POU6F2: variants seen among roughly 807,000 people sequenced by gnomAD.
The protein encoded by POU6F2 is POU domain, class 6, transcription factor 2.
In POU6F2, 31 loss-of-function variants were observed where a neutral mutation model predicts 71.3. That is an observed-to-expected ratio of 0.43 (90% CI 0.33 to 0.59). POU6F2 has a LOEUF of 0.59. Ranked by LOEUF, POU6F2 falls within the 20% of genes least tolerant of loss-of-function variation. POU6F2 has a pLI of 0.04. For synonymous variants in POU6F2, 347 were observed against 355.7 expected (o/e 0.98, Z 0.27); for missense variants, 783 against 856.8 (o/e 0.91, Z 1.07).
chr7:39,282,742 A>G (rs981113304), intron 4 of POU6F2, among the ~76,000 whole-genome samples: 9 of 151,900 alleles, frequency 5.9e-5, no homozygotes, highest in Non-Finnish European at 1.2e-4. Context: ...TTCTTTTTGT[A>G]CAAAATTGCT....
chr7:39,096,368 T>A (rs1269686269), intron 2 of POU6F2, among the ~76,000 whole-genome samples: 1 of 152,160 alleles, frequency 6.6e-6, no homozygotes, highest in Admixed American at 6.6e-5. Flanking sequence ...TTTCTAACAA[T>A]GAGCCACCCC....
chr7:39,355,033 C>A (rs1786223964), intron 5 of POU6F2, among the ~76,000 whole-genome samples: 1 of 152,190 alleles, frequency 6.6e-6, no homozygotes, highest in Non-Finnish European at 1.5e-5. Flanking sequence ...GCTCTCCCTC[C>A]CACCAGGAAT....
At chr7:39,043,923 A>G (rs1790241797) in intron 1 of POU6F2, among the ~76,000 whole-genome samples, 1 of 151,920 alleles carries the variant, frequency 6.6e-6, no homozygotes, top group African/African-American at 2.4e-5. Flanking sequence ...GAAGGCTGCC[A>G]TACCCCAGGC....
At chr7:39,107,286 C>G (rs1791710970) in intron 2 of POU6F2, among the ~76,000 whole-genome samples, 1 of 151,890 alleles carries the variant, frequency 6.6e-6, no homozygotes, top group South Asian at 2.1e-4. Flanking sequence ...CTCAAATGAT[C>G]CTCCCACCTA....
At chr7:39,228,980 A>G (rs1319044498) in intron 4 of POU6F2, among the ~76,000 whole-genome samples, 1 of 152,064 alleles carries the variant, frequency 6.6e-6, no homozygotes, top group African/African-American at 2.4e-5. Flanking sequence ...TCCTGGCCCC[A>G]TTTTTTCCTC....
At chr7:39,103,497 T>G (rs1300133909) in intron 2 of POU6F2, among the ~76,000 whole-genome samples, 1 of 152,138 alleles carries the variant, frequency 6.6e-6, no homozygotes, top group African/African-American at 2.4e-5. Flanking sequence ...TTGAACTGAG[T>G]GATCCAAAGA....
intron 4 of POU6F2, among the ~76,000 whole-genome samples, chr7:39,278,051 C>A (rs548984622): frequency 2.3e-5 from 3 of 130,278 alleles, no homozygotes; most frequent in Non-Finnish European, 4.7e-5. Context: ...TCTAGCCTGG[C>A]GACAGAGTGA....
At chr7:39,252,715 G>A (rs1052406276) in intron 4 of POU6F2, among the ~76,000 whole-genome samples, 3 of 152,028 alleles carry the variant, frequency 2.0e-5, no homozygotes, top group African/African-American at 7.2e-5. Flanking sequence ...TCCTTCCCTT[G>A]GAATGCTTTT....
At chr7:39,453,395 T>C (rs1337719303) in intron 8 of POU6F2, among the ~76,000 whole-genome samples, 1 of 152,194 alleles carries the variant, frequency 6.6e-6, no homozygotes, top group Non-Finnish European at 1.5e-5. Context: ...CATTTCTAAA[T>C]GGCAGCAAGG....
chr7:39,127,866 G>A (rs1028924648), intron 2 of POU6F2, among the ~76,000 whole-genome samples: 4 of 128,938 alleles, frequency 3.1e-5, no homozygotes, highest in Non-Finnish European at 6.4e-5. Context: ...TTTTTGAGAC[G>A]GAGTCTTGCT....
rs374623696 is a variant in POU6F2, at chr7:39,434,977, G to A, written c.1320+1694G>A. ...AGGACATGACCTCATTCCTTTTTACGGCAGCATAGTATTCCATGGTGTATA... is the reference window on the plus strand; with the variant it reads ...AGGACATGACCTCATTCCTTTTTACAGCAGCATAGTATTCCATGGTGTATA... On this transcript the variant is annotated intron_variant, in intron 7 of 9. Transcript: ENST00000518318. 6.8e-4 allele frequency among the ~76,000 whole-genome samples: 104 copies of A among 152,158 alleles called. No individual in the cohort carries two copies. In the South Asian group the frequency reaches 0.011, roughly 16 times the overall value.
At chr7:39,255,386 T>G (rs959642766) in intron 4 of POU6F2, among the ~76,000 whole-genome samples, 10 of 152,154 alleles carry the variant, frequency 6.6e-5, no homozygotes, top group African/African-American at 2.4e-4. Context: ...TCCACTAAAT[T>G]CTTACATATG....
At chr7:39,008,566 C>A (rs1489338911) in intron 1 of POU6F2, among the ~76,000 whole-genome samples, 40 of 147,254 alleles carry the variant, frequency 2.7e-4, no homozygotes, top group South Asian at 1.1e-3. Context: ...GTTGCCATTG[C>A]TTTTGGTGTT....
chr7:39,448,490 A>G (rs1322540426), intron 7 of POU6F2, among the ~76,000 whole-genome samples: 2 of 152,232 alleles, frequency 1.3e-5, no homozygotes, highest in South Asian at 2.1e-4. Context: ...GAAGAAAAAT[A>G]TCTTTCTTAG....
At chr7:39,170,881 C>T (rs1242270122) in intron 2 of POU6F2, among the ~76,000 whole-genome samples, 1 of 151,600 alleles carries the variant, frequency 6.6e-6, no homozygotes, top group African/African-American at 2.4e-5. Flanking sequence ...TCTTTTATTC[C>T]TTTACTTTCT....
At chr7:39,236,557 T>G (rs1285739776) in intron 4 of POU6F2, among the ~76,000 whole-genome samples, 5 of 152,214 alleles carry the variant, frequency 3.3e-5, no homozygotes, top group African/African-American at 1.2e-4. Flanking sequence ...TTGAGCAAGC[T>G]TGTAAGTTTC....
chr7:38,981,238 T>C (rs1033373571), intron 1 of POU6F2, among the ~76,000 whole-genome samples: 3 of 152,242 alleles, frequency 2.0e-5, no homozygotes, highest in African/African-American at 4.8e-5. Flanking sequence ...AGACTTGCAT[T>C]TCCATCTCTT....
chr7:39,274,117 C>G (rs1482216836), intron 4 of POU6F2, among the ~76,000 whole-genome samples: 1 of 151,902 alleles, frequency 6.6e-6, no homozygotes, highest in Non-Finnish European at 1.5e-5. Flanking sequence ...TTAATTTGAA[C>G]CAGTCGTATA....
chr7:39,073,958 T>G (rs1790941929), intron 1 of POU6F2, among the ~76,000 whole-genome samples: 1 of 152,240 alleles, frequency 6.6e-6, no homozygotes, highest in South Asian at 2.1e-4. Flanking sequence ...TCTACAGAAT[T>G]TACAGCCTCC....
Sources: allele counts gnomAD v4.1 joint callset (sites outside exome capture counted in the v4.1 genomes callset), GRCh38; gene constraint gnomAD v4.1.1; transcripts MANE v1.5; gene names NCBI Gene and HGNC (gene_info 2026-07-23, HGNC 2026-07-21).